Variants in TRPV3 observed in about 807,000 individuals in gnomAD.
TRPV3 encodes the protein VRL-3.
In TRPV3, 88 loss-of-function variants were observed where a neutral mutation model predicts 87.1. The ratio of observed to expected loss-of-function variants is 1.01; its 90% CI spans 0.85 to 1.21. The LOEUF is 1.21. TRPV3 is among the 50% of genes most tolerant of loss of function. The probability of loss-of-function intolerance (pLI) is 0.00; values close to 1 mark genes in which losing one functional copy is unlikely to be tolerated. For synonymous variants in TRPV3, 438 were observed against 423.3 expected (o/e 1.03, Z -0.43); for missense variants, 1,054 against 1,030.1 (o/e 1.02, Z -0.32).
At position 3,532,671 on chromosome 17, in the gene TRPV3, T is replaced by C; in HGVS notation, c.1051A>G (p.Met351Val). The change falls in exon 8 of 18, where the codon ATG (methionine) becomes GTG (valine). Residue 351 changes from methionine (M) to valine (V), a missense_variant. Transcript: ENST00000576742. ...GLTPLQLAAK[M>V]GKAEILKYIL... ...CATGGCCCCACCTCCGCCTTGCCCA[T>C]CTTGGCGGCCAGCTGCAGCGGCGTG... 1.2e-6 allele frequency: 2 copies of C among 1,614,166 alleles called. No homozygotes were observed. The highest frequency in any genetic ancestry group is 1.3e-5 in the African/African-American group (1 of 75,066).
At chr17:3,534,102 C>T (rs1369256968) in intron 7 of TRPV3, among the ~76,000 whole-genome samples, 1 of 152,124 alleles carries the variant, frequency 6.6e-6, no homozygotes, top group Non-Finnish European at 1.5e-5. Context: ...CCTCGCCCCA[C>T]CCAACAAATG....
chr17:3,540,064 T>A (rs1012825844), intron 6 of TRPV3, among the ~76,000 whole-genome samples: 6 of 130,248 alleles, frequency 4.6e-5, no homozygotes, highest in African/African-American at 8.0e-5. Flanking sequence ...TCTCAAAAAA[T>A]AAATAAATAA....
At chr17:3,543,193 C>T (rs564908658) in intron 5 of TRPV3, among the ~76,000 whole-genome samples, 33 of 152,272 alleles carry the variant, frequency 2.2e-4, no homozygotes, top group Non-Finnish European at 3.4e-4. Flanking sequence ...TGCTCAGAAC[C>T]GTTCCCTTCT....
intron 6 of TRPV3, 100 bp from the exon 7 acceptor site, chr17:3,535,813 G>T: frequency 7.6e-7 from 1 of 1,314,802 alleles, no homozygotes; most frequent in Non-Finnish European, 9.8e-7. Flanking sequence ...CCCACGGGGA[G>T]ATCAGAACCC....
intron 2 of TRPV3, 125 bp downstream of exon 2, chr17:3,554,607 G>A: frequency 1.4e-6 from 1 of 694,062 alleles, no homozygotes. Flanking sequence ...CCGGGCACCG[G>A]GCCACCCCGG....
At chr17:3,546,400 C>A (rs1015896975) in intron 2 of TRPV3, among the ~76,000 whole-genome samples, 1 of 151,816 alleles carries the variant, frequency 6.6e-6, no homozygotes, top group South Asian at 2.1e-4. Flanking sequence ...CGAGATCATG[C>A]CACTGCACTC....
At chr17:3,534,897 C>G (rs2074384874) in intron 7 of TRPV3, among the ~76,000 whole-genome samples, 1 of 152,082 alleles carries the variant, frequency 6.6e-6, no homozygotes. Context: ...GCCTCCCTCC[C>G]AGGTCTCTGT....
intron 12 of TRPV3, among the ~76,000 whole-genome samples, chr17:3,526,310 T>C (rs911350928): frequency 6.6e-6 from 1 of 152,034 alleles, no homozygotes; most frequent in Non-Finnish European, 1.5e-5. Context: ...AAACCCTGTC[T>C]CTACTAAAAA....
At chr17:3,515,439 T>C (rs1042343565) in intron 16 of TRPV3, among the ~76,000 whole-genome samples, 1 of 151,802 alleles carries the variant, frequency 6.6e-6, no homozygotes, top group East Asian at 1.9e-4. Flanking sequence ...GGGGGGTGGA[T>C]CACTTGAGGC....
At chr17:3,535,185 T>TCCC (rs2074389129) in intron 7 of TRPV3, among the ~76,000 whole-genome samples, 1 of 87,916 alleles carries the variant, frequency 1.1e-5, no homozygotes, top group Non-Finnish European at 2.4e-5. Context: ...TCCTCCTCCC[T>TCCC]TCCTCCCTCT....
intron 2 of TRPV3, among the ~76,000 whole-genome samples, chr17:3,548,363 G>T (rs2074544391): frequency 6.6e-6 from 1 of 152,212 alleles, no homozygotes; most frequent in Non-Finnish European, 1.5e-5. Context: ...AGTCAAGGTG[G>T]TCAAAGAACC....
In TRPV3 at chr17:3,556,691, G is replaced by C. The variant is rs536929753; in HGVS notation, c.-3+985C>G. ...GCAGGCTCAGGATGGAGGAGGCATCGGCGAGGGAGAGCTTTGGCCCTGGAG... is the reference window on the plus strand; with the variant it reads ...GCAGGCTCAGGATGGAGGAGGCATCCGCGAGGGAGAGCTTTGGCCCTGGAG... On this transcript the variant is annotated intron_variant, in intron 1 of 17. Transcript: ENST00000576742. The surrounding 1 kb of genome is among the most constrained non-coding windows in gnomAD (Gnocchi z 4.2). 2.0e-5 allele frequency among the ~76,000 whole-genome samples: 3 copies of C among 152,266 alleles called. No homozygotes were observed. The highest frequency in any genetic ancestry group is 1.9e-4 in the East Asian group (1 of 5,180).
chr17:3,554,666 G>GC (rs1466226371), intron 2 of TRPV3, 66 bp downstream of exon 2: 2 of 1,182,488 alleles, frequency 1.7e-6, no homozygotes, highest in East Asian at 2.4e-5. Flanking sequence ...TCCCTGGGGG[G>GC]GTGCCAGGCC....
Position 3,542,576 on chromosome 17 carries a change from T to C in TRPV3, c.589A>G (p.Asn197Asp), listed in dbSNP as rs1395158302. 1.2e-6 allele frequency: 2 copies of C among 1,613,980 alleles called. No homozygotes were observed. Among genetic ancestry groups the C allele is most frequent in the Non-Finnish European group, 8.5e-7 (1 of 1,179,924 alleles). Residue 197 changes from asparagine to aspartate, a missense_variant, in exon 6 of 18, where the codon AAC becomes GAC. Asn to Asp is a conservative substitution (Grantham distance 23, BLOSUM62 1). Transcript: ENST00000576742. Reference protein sequence around the residue: ...VRILLAFAEENDILGRFINAE... With the variant: ...VRILLAFAEEDDILGRFINAE... Reference sequence around the variant, plus strand: ...TTGATGAACCTGCCCAGGATGTCGTTCTCTTCAGCAAAGGCAAGCAGGATC... The same window carrying C: ...TTGATGAACCTGCCCAGGATGTCGTCCTCTTCAGCAAAGGCAAGCAGGATC...
Position 3,544,577 on chromosome 17 carries a change from A to G in TRPV3, c.311+2T>C. 6.3e-7 allele frequency: 1 copy of G among 1,599,040 alleles called. No homozygotes were observed. Among genetic ancestry groups the G allele is most frequent in the Non-Finnish European group, 8.5e-7 (1 of 1,174,228 alleles). On this transcript the variant is annotated splice_donor_variant, in intron 4 of 17. Transcript: ENST00000576742. LOFTEE classifies it high-confidence loss of function. ...TGGGTGGAGGGGGAGGGGCAGACTT[A>G]CCTGGGGCTGTTGGGATTGGATGGG... is the stretch of plus-strand genomic sequence containing the variant.
At chr17:3,524,051 C>A (rs570065390) in intron 13 of TRPV3, 147 bp downstream of exon 13, 2 of 1,111,970 alleles carry the variant, frequency 1.8e-6, no homozygotes, top group South Asian at 3.0e-5. Context: ...AAAGCCTGGC[C>A]GAAAGCAAAG....
chr17:3,513,974 G>A lies in TRPV3; in HGVS notation c.2316C>T (p.Ser772=), dbSNP rs1263226749. 2 of 1,613,972 alleles carry A rather than the reference G, an allele frequency of 1.2e-6. No individual in the cohort carries two copies. The highest frequency in any genetic ancestry group is 4.5e-5 in the East Asian group (2 of 44,904). Residue 772 remains serine (S), a synonymous_variant, in exon 18 of 18, where the codon AGC becomes AGT. Transcript: ENST00000576742. ...CTTCAAATGCATTGAGAGTGGTTTTGCTGTTGTTCCTGGAAGAATCTTGGA... is the reference window on the plus strand; with the variant it reads ...CTTCAAATGCATTGAGAGTGGTTTTACTGTTGTTCCTGGAAGAATCTTGGA... ...NKIQDSSRNN[S]KTTLNAFEEV... is the part of the protein sequence containing the mutation.
At chr17:3,533,454 C>T (rs1296906138) in intron 7 of TRPV3, among the ~76,000 whole-genome samples, 1 of 152,082 alleles carries the variant, frequency 6.6e-6, no homozygotes, top group African/African-American at 2.4e-5. Flanking sequence ...AAAATCCACC[C>T]TCCTCTTGTC....
At chr17:3,548,415 T>A (rs975434334) in intron 2 of TRPV3, among the ~76,000 whole-genome samples, 2 of 152,236 alleles carry the variant, frequency 1.3e-5, no homozygotes, top group African/African-American at 4.8e-5. Context: ...CTGCAATCCA[T>A]GCTTCTTTGC....
Sources: gnomAD v4.1 joint callset for allele counts (sites outside exome capture counted in the v4.1 genomes callset) on GRCh38, gnomAD v4.1.1 for gene constraint, Gnocchi (gnomAD v3.1) non-coding constraint, MANE v1.5 for transcripts, NCBI Gene and HGNC (gene_info 2026-07-23, HGNC 2026-07-21) for gene names.